Variants in SLC39A11 observed in about 807,000 individuals in gnomAD.
SLC39A11 encodes the protein solute carrier family 39 member 11, also known as zinc transporter ZIP11.
In SLC39A11, 33 loss-of-function variants were observed where a neutral mutation model predicts 36.1. The observed-to-expected ratio is 0.91, with a 90% confidence interval of 0.69 to 1.22. The LOEUF (loss-of-function observed/expected upper bound fraction) is 1.22. SLC39A11 is among the 50% of genes most tolerant of loss of function. The pLI is 0.00. For synonymous variants in SLC39A11, 166 were observed against 170.3 expected (o/e 0.97, Z 0.20); for missense variants, 432 against 430.3 (o/e 1.00, Z -0.03).
chr17:72,851,698 AACC>A (rs2079336563), intron 5 of SLC39A11, among the ~76,000 whole-genome samples: 1 of 152,204 alleles, frequency 6.6e-6, no homozygotes, highest in Non-Finnish European at 1.5e-5. Flanking sequence ...AGCTTCAGCC[AACC>A]AGAGGCAGCC....
chr17:72,694,416 C>G (rs1299572418), intron 7 of SLC39A11, among the ~76,000 whole-genome samples: 1 of 152,220 alleles, frequency 6.6e-6, no homozygotes, highest in Non-Finnish European at 1.5e-5. Context: ...TTCTCTGGCT[C>G]CTGTTTCAGA....
At chr17:72,719,402 G>A (rs188886647) in intron 7 of SLC39A11, among the ~76,000 whole-genome samples, 2 of 152,172 alleles carry the variant, frequency 1.3e-5, no homozygotes, top group Non-Finnish European at 2.9e-5. Context: ...CCACGAGTGC[G>A]ACACAAGCAC....
chr17:72,849,282 T>C (rs1056401614), intron 6 of SLC39A11, among the ~76,000 whole-genome samples: 1 of 152,148 alleles, frequency 6.6e-6, no homozygotes, highest in African/African-American at 2.4e-5. Flanking sequence ...TCAACTATGT[T>C]TTCAAATAGC....
chr17:72,657,691 G>C (rs2070198288), intron 7 of SLC39A11, among the ~76,000 whole-genome samples: 1 of 152,252 alleles, frequency 6.6e-6, no homozygotes. Flanking sequence ...ACTGATGTGA[G>C]TTGGTCACCC....
chr17:72,821,438 G>A (rs142640759), intron 6 of SLC39A11, among the ~76,000 whole-genome samples: 15 of 148,488 alleles, frequency 1.0e-4, no homozygotes, highest in Middle Eastern at 3.5e-3. Context: ...CTCAGGAGGC[G>A]GAGGTTGTGG....
chr17:72,779,662 C>T (rs1183426192), intron 6 of SLC39A11, among the ~76,000 whole-genome samples: 1 of 152,202 alleles, frequency 6.6e-6, no homozygotes, highest in African/African-American at 2.4e-5. Flanking sequence ...TCAACATTTT[C>T]ATGGCAGCAT....
intron 7 of SLC39A11, among the ~76,000 whole-genome samples, chr17:72,669,258 A>G (rs981963143): frequency 4.6e-5 from 7 of 152,230 alleles, no homozygotes; most frequent in Non-Finnish European, 1.0e-4. Flanking sequence ...TTGGCACGAC[A>G]CTATGAACTA....
intron 4 of SLC39A11, among the ~76,000 whole-genome samples, chr17:72,971,673 G>A (rs1352254862): frequency 3.3e-5 from 5 of 152,166 alleles, no homozygotes; most frequent in African/African-American, 1.2e-4. Flanking sequence ...AGCTGGGGCC[G>A]GGCCGCCCCC....
At chr17:73,056,163 T>C (rs946020044) in intron 3 of SLC39A11, among the ~76,000 whole-genome samples, 4 of 151,380 alleles carry the variant, frequency 2.6e-5, no homozygotes, top group Non-Finnish European at 5.9e-5. Context: ...TGGACTCTGG[T>C]TTTTTGTTTG....
At chr17:72,981,283 A>C (rs574673340) in intron 4 of SLC39A11, among the ~76,000 whole-genome samples, 2 of 152,318 alleles carry the variant, frequency 1.3e-5, no homozygotes, top group East Asian at 3.9e-4. Flanking sequence ...AATCTGGACT[A>C]GTCACACTTC....
intron 7 of SLC39A11, among the ~76,000 whole-genome samples, chr17:72,655,111 C>T (rs1329444892): frequency 6.6e-6 from 1 of 152,270 alleles, no homozygotes; most frequent in Non-Finnish European, 1.5e-5. Flanking sequence ...GTCAGAGTCC[C>T]TCCTGACACT....
chr17:72,827,589 G>A (rs567264734), intron 6 of SLC39A11, among the ~76,000 whole-genome samples: 2 of 152,336 alleles, frequency 1.3e-5, no homozygotes, highest in South Asian at 2.1e-4. Context: ...TCTACCCCAG[G>A]TGGGGAGACA....
At chr17:72,720,592 G>A (rs935725189) in intron 7 of SLC39A11, among the ~76,000 whole-genome samples, 2 of 152,152 alleles carry the variant, frequency 1.3e-5, no homozygotes, top group Admixed American at 6.6e-5. Flanking sequence ...TGTAGGATGT[G>A]TCATGGGTGT....
chr17:73,028,953 A>C (rs2058652803), intron 4 of SLC39A11, among the ~76,000 whole-genome samples: 2 of 152,022 alleles, frequency 1.3e-5, no homozygotes, highest in South Asian at 2.1e-4. Flanking sequence ...CCCCATCTCA[A>C]CTAAAAATAC....
intron 2 of SLC39A11, among the ~76,000 whole-genome samples, chr17:73,086,329 T>C (rs941646554): frequency 1.3e-5 from 2 of 151,390 alleles, no homozygotes; most frequent in Non-Finnish European, 2.9e-5. Context: ...CATCTTCTAT[T>C]TCAATACAGA....
chr17:72,958,129 T>G (rs980787864), intron 4 of SLC39A11, among the ~76,000 whole-genome samples: 1 of 152,208 alleles, frequency 6.6e-6, no homozygotes, highest in African/African-American at 2.4e-5. Context: ...GACACTCTTT[T>G]TAACAAATGG....
intron 4 of SLC39A11, among the ~76,000 whole-genome samples, chr17:72,950,147 G>A (rs1179484580): frequency 2.0e-5 from 3 of 152,002 alleles, no homozygotes; most frequent in African/African-American, 4.8e-5. Context: ...TCTAGACATC[G>A]CTACTGTCAT....
At chr17:72,938,335 A>G (rs766525444) in intron 5 of SLC39A11, among the ~76,000 whole-genome samples, 1 of 152,192 alleles carries the variant, frequency 6.6e-6, no homozygotes, top group Non-Finnish European at 1.5e-5. Context: ...TCTGTACTTC[A>G]CGCAGGTTCA....
intron 7 of SLC39A11, among the ~76,000 whole-genome samples, chr17:72,663,544 C>G (rs990219769): frequency 2.0e-5 from 3 of 152,178 alleles, no homozygotes; most frequent in African/African-American, 7.2e-5. Context: ...TCACTTCTAA[C>G]AGCAGAGCCT....
Sources: allele counts gnomAD v4.1 joint callset (sites outside exome capture counted in the v4.1 genomes callset), GRCh38; gene constraint gnomAD v4.1.1; transcripts MANE v1.5; gene names NCBI Gene and HGNC (gene_info 2026-07-23, HGNC 2026-07-21).